STARD13: variants seen among roughly 807,000 people sequenced by gnomAD.
STARD13 encodes StAR related lipid transfer domain containing 13.
A neutral mutation model predicts 106.4 loss-of-function variants in STARD13; 62 were observed. That is an observed-to-expected ratio of 0.58 (90% CI 0.48 to 0.72). STARD13 has a LOEUF of 0.72. Among genes scored for constraint, STARD13 ranks in the 30% least tolerant of loss-of-function variants. The pLI is 0.00. For synonymous variants in STARD13, 565 were observed against 553.0 expected, an observed-to-expected ratio of 1.02 and a Z score of -0.31; for missense variants, 1,387 against 1,424.0, an observed-to-expected ratio of 0.97 and a Z score of 0.42.
At chr13:33,510,809 A>G in the STARD13 span, among the ~76,000 whole-genome samples, 1 of 152,194 alleles carries the variant, frequency 6.6e-6, no homozygotes, top group Non-Finnish European at 1.5e-5. Context: ...ATCTAGTCAT[A>G]TCTAAAGCTG....
At chr13:33,268,810 C>G (rs974758528) in intron 1 of STARD13, among the ~76,000 whole-genome samples, 1 of 152,220 alleles carries the variant, frequency 6.6e-6, no homozygotes, top group African/African-American at 2.4e-5. Context: ...AACTCCATGT[C>G]AGATTATTAG....
intron 12 of STARD13, 50 bp downstream of exon 12, chr13:33,109,823 C>T (rs375265275): frequency 1.3e-5 from 20 of 1,573,620 alleles, no homozygotes; most frequent in East Asian, 4.5e-5. Context: ...ATCTACAGTT[C>T]GCGTCCTGCC....
At chr13:33,164,226 A>C (rs1378880763) in intron 3 of STARD13, 1 of 152,208 alleles carries the variant, frequency 6.6e-6, no homozygotes, top group Non-Finnish European at 1.5e-5. Flanking sequence ...TTTTCTCTTC[A>C]TATAGAAAAC....
At chr13:33,612,914 A>T in the STARD13 span, among the ~76,000 whole-genome samples, 1,715 of 152,366 alleles carry the variant, frequency 0.011, 39 homozygotes, top group African/African-American at 0.039. Flanking sequence ...AAAACAGTTA[A>T]TAAGTTGCCT....
intron 1 of STARD13, among the ~76,000 whole-genome samples, chr13:33,308,138 G>C (rs565505994): frequency 3.9e-5 from 6 of 152,278 alleles, no homozygotes; most frequent in African/African-American, 1.4e-4. Context: ...GTAGTTTCTG[G>C]AAAAAGAACA....
chr13:33,121,150 G>A (rs1346860633), intron 7 of STARD13, among the ~76,000 whole-genome samples: 1 of 152,244 alleles, frequency 6.6e-6, no homozygotes, highest in East Asian at 1.9e-4. Flanking sequence ...TGGGCACAGT[G>A]AGTAGAAGAT....
At chr13:33,138,631 C>T (rs564425103) in intron 4 of STARD13, 3 of 245,694 alleles carry the variant, frequency 1.2e-5, no homozygotes, top group East Asian at 1.3e-4. Context: ...ACTGGAGCTA[C>T]GTGGCCGGGC....
At chr13:33,275,918 T>C (rs1253511082) in intron 1 of STARD13, 1 of 152,224 alleles carries the variant, frequency 6.6e-6, no homozygotes, top group Non-Finnish European at 1.5e-5. Flanking sequence ...TCCAATGGAT[T>C]GGCCACCCTG....
intron 1 of STARD13, among the ~76,000 whole-genome samples, chr13:33,312,626 T>C (rs545310207): frequency 2.0e-5 from 3 of 152,312 alleles, no homozygotes; most frequent in African/African-American, 4.8e-5. Flanking sequence ...TTCTAATATA[T>C]ATTATAATTT....
At chr13:33,505,103 C>A in the STARD13 span, among the ~76,000 whole-genome samples, 4 of 152,140 alleles carry the variant, frequency 2.6e-5, no homozygotes, top group African/African-American at 9.7e-5. Flanking sequence ...CTCTTGTAAG[C>A]AGAGACTGGG....
chr13:33,353,048 G>A (rs553094611), upstream of STARD13, among the ~76,000 whole-genome samples: 2 of 152,138 alleles, frequency 1.3e-5, no homozygotes, highest in Non-Finnish European at 1.5e-5. Context: ...CCTCACCTGT[G>A]TTGGGCTTTC....
At chr13:33,626,295 T>C in the STARD13 span, among the ~76,000 whole-genome samples, 2 of 152,252 alleles carry the variant, frequency 1.3e-5, no homozygotes, top group African/African-American at 4.8e-5. Context: ...AAACAGATTT[T>C]GTCTTCCTTC....
intron 1 of STARD13, among the ~76,000 whole-genome samples, chr13:33,295,709 G>T (rs536795689): frequency 2.0e-5 from 3 of 152,096 alleles, no homozygotes; most frequent in African/African-American, 4.8e-5. Context: ...GTGCCCGGGG[G>T]GGGCAGAGGA....
intron 1 of STARD13, among the ~76,000 whole-genome samples, chr13:33,338,872 G>A (rs868197499): frequency 5.1e-5 from 6 of 117,046 alleles, no homozygotes; most frequent in Non-Finnish European, 1.0e-4. Flanking sequence ...GCGACAGAAC[G>A]AGACTCCGTC....
Position 33,106,254 on chromosome 13 carries a change from T to C in STARD13, c.3224+504A>G, listed in dbSNP as rs140205223. On this transcript the variant is annotated intron_variant, in intron 13 of 13. Transcript: ENST00000336934. ...GGCCAACATGGCGAGGCCCTGTCTCTACAAAAACATACAAAAATTAGCTGA... is the reference window on the plus strand; with the variant it reads ...GGCCAACATGGCGAGGCCCTGTCTCCACAAAAACATACAAAAATTAGCTGA... Among the ~76,000 whole-genome samples the C allele has an allele frequency of 1.9e-3, 294 of 152,176 alleles. 1 individual carries two copies. Among genetic ancestry groups the C allele is most frequent in the African/African-American group, 5.9e-3 (246 of 41,530 alleles).
the STARD13 span, among the ~76,000 whole-genome samples, chr13:33,651,594 ATC>A: frequency 0.067 from 10,193 of 152,208 alleles, 802 homozygotes; most frequent in Admixed American, 0.2. Context: ...TGTCTTTTTA[ATC>A]TCTGTTTCCC....
chr13:33,624,916 G>C, the STARD13 span, among the ~76,000 whole-genome samples: 1 of 152,152 alleles, frequency 6.6e-6, no homozygotes, highest in African/African-American at 2.4e-5. Context: ...GCCTAAAAGT[G>C]GTACTTCCTT....
At chr13:33,294,053 C>T (rs987534354) in intron 1 of STARD13, among the ~76,000 whole-genome samples, 1 of 152,142 alleles carries the variant, frequency 6.6e-6, no homozygotes, top group African/African-American at 2.4e-5. Flanking sequence ...TCAAACAGGA[C>T]AGTTTAAGGT....
At chr13:33,279,818 T>G (rs867213523) in intron 1 of STARD13, 1 of 152,240 alleles carries the variant, frequency 6.6e-6, no homozygotes, top group East Asian at 1.9e-4. Context: ...ATTTTTAAAA[T>G]GTTAGTCAAA....
Sources: gnomAD v4.1 joint callset for allele counts (sites outside exome capture counted in the v4.1 genomes callset) on GRCh38, gnomAD v4.1.1 for gene constraint, MANE v1.5 for transcripts, NCBI Gene and HGNC (gene_info 2026-07-23, HGNC 2026-07-21) for gene names.